The following SBK1 variants were observed in gnomAD, a reference collection of about 807,000 sequenced individuals.
SBK1 encodes the protein SH3 domain binding kinase 1.
A neutral mutation model predicts 24.4 loss-of-function variants in SBK1; 11 were observed. The ratio of observed to expected loss-of-function variants is 0.45; its 90% CI spans 0.28 to 0.75. The LOEUF (loss-of-function observed/expected upper bound fraction) is 0.75, where lower values mean the gene tolerates loss of function less well. SBK1 is among the 30% of genes least tolerant of loss of function. The pLI, the probability that SBK1 is intolerant of heterozygous loss-of-function variation, is 0.12. For missense variants in SBK1, 467 were observed against 620.5 expected (o/e 0.75, Z 2.63); for synonymous variants, 308 against 284.4 (o/e 1.08, Z -0.83).
intron 1 of SBK1, among the ~76,000 whole-genome samples, chr16:28,298,177 T>G (rs1322182806): frequency 1.3e-5 from 2 of 152,138 alleles, no homozygotes; most frequent in African/African-American, 4.8e-5. Flanking sequence ...GAAAGGCCAG[T>G]TAAAGTCCCC....
At chr16:28,270,937 C>G (rs951868026) in intron 1 of SBK1, among the ~76,000 whole-genome samples, 4 of 152,012 alleles carry the variant, frequency 2.6e-5, no homozygotes, top group African/African-American at 9.7e-5. Context: ...GCTCTCCGCT[C>G]ACTGCAAGCT....
intron 1 of SBK1, among the ~76,000 whole-genome samples, chr16:28,269,287 G>A (rs931539283): frequency 1.1e-4 from 16 of 151,508 alleles, no homozygotes; most frequent in East Asian, 7.8e-4. Context: ...CACCAGCCTC[G>A]GCCTCCCAAA....
rs2044822814 is a variant in SBK1, at chr16:28,319,536, C to G, written c.429+339C>G. Among the ~76,000 whole-genome samples the G allele has an allele frequency of 6.6e-6, 1 of 152,136 alleles. No homozygotes were observed. The highest frequency in any genetic ancestry group is 1.5e-5 in the Non-Finnish European group (1 of 68,022). On this transcript the variant is annotated intron_variant, in intron 3 of 3. Transcript: ENST00000341901. This position sits in a 1 kb window ranked among gnomAD's most constrained non-coding sequence, Gnocchi z 4.0. The stretch of plus-strand genomic sequence containing the variant: ...GGGAAGGGGCCCTCAGAGGAAGCGA[C>G]CCTGGAACCGGGACGGTGGGGGAGG...
chr16:28,288,933 G>A (rs1400716167), upstream of SBK1, among the ~76,000 whole-genome samples: 1 of 152,130 alleles, frequency 6.6e-6, no homozygotes, highest in Non-Finnish European at 1.5e-5. Flanking sequence ...AGAGGGAGTC[G>A]GGAGGGGGAC....
chr16:28,302,967 G>GGC (rs1555537953), intron 1 of SBK1, among the ~76,000 whole-genome samples: 3 of 151,954 alleles, frequency 2.0e-5, no homozygotes, highest in South Asian at 2.1e-4. Flanking sequence ...GGCATGGGGG[G>GGC]GGGTCAGGAG....
intron 1 of SBK1, among the ~76,000 whole-genome samples, chr16:28,280,139 A>ATGTGTG (rs1312773756): frequency 6.8e-5 from 4 of 58,638 alleles, no homozygotes; most frequent in Non-Finnish European, 1.8e-4. Flanking sequence ...ATATATATAT[A>ATGTGTG]TATATATATA....
At chr16:28,264,920 C>T (rs1243057339) in intron 1 of SBK1, among the ~76,000 whole-genome samples, 7 of 151,840 alleles carry the variant, frequency 4.6e-5, no homozygotes, top group Non-Finnish European at 8.8e-5. Context: ...GGAAGTGTCG[C>T]GAGGAGAGGG....
intron 1 of SBK1, among the ~76,000 whole-genome samples, chr16:28,313,724 A>G (rs2044770547): frequency 1.3e-5 from 2 of 152,054 alleles, no homozygotes; most frequent in Middle Eastern, 3.4e-3. Context: ...CTTCCTCCCC[A>G]GCCAGCTGAG....
At chr16:28,290,813 G>C (rs1268059107), upstream of SBK1, 1 of 152,254 alleles carries the variant, frequency 6.6e-6, no homozygotes, top group Non-Finnish European at 1.5e-5. Flanking sequence ...CTCAATGGTA[G>C]AGGTTGCCAA....
chr16:28,318,189 G>A (rs150097248), intron 2 of SBK1, among the ~76,000 whole-genome samples: 2 of 152,280 alleles, frequency 1.3e-5, no homozygotes, highest in South Asian at 2.1e-4. Flanking sequence ...GAGCCTTGTC[G>A]CTTAGTCACT....
intron 1 of SBK1, among the ~76,000 whole-genome samples, chr16:28,312,379 G>T (rs1036311465): frequency 2.6e-5 from 4 of 152,222 alleles, no homozygotes; most frequent in African/African-American, 9.6e-5. Flanking sequence ...GGTTGGAAGA[G>T]ATTTTTTCCA....
intron 1 of SBK1, among the ~76,000 whole-genome samples, chr16:28,296,578 A>C (rs2044642440): frequency 1.3e-5 from 2 of 152,078 alleles, no homozygotes. Flanking sequence ...TGTGTTCTGC[A>C]CTCATGGGTG....
intron 1 of SBK1, chr16:28,285,106 C>G (rs937652457): frequency 4.6e-5 from 7 of 152,254 alleles, no homozygotes; most frequent in African/African-American, 1.7e-4. Context: ...GCCACCACAT[C>G]TGGCTATTTG....
chr16:28,312,365 CAG>C (rs1156718570), intron 1 of SBK1, among the ~76,000 whole-genome samples: 8 of 152,204 alleles, frequency 5.3e-5, no homozygotes, highest in Non-Finnish European at 1.2e-4. Flanking sequence ...GGACATTTCA[CAG>C]GGGTTGGAAG....
chr16:28,262,068 T>C (rs1044099073), intron 1 of SBK1, among the ~76,000 whole-genome samples: 2 of 152,128 alleles, frequency 1.3e-5, no homozygotes, highest in African/African-American at 4.8e-5. Flanking sequence ...AAGCTAAAAA[T>C]ACTGAGTGAT....
At position 28,322,360 on chromosome 16, in the gene SBK1, C is replaced by G. The variant is rs2044857547; in HGVS notation, c.*1439C>G. The stretch of plus-strand genomic sequence containing the variant: ...CAGCCCCGCCTGACCCCCTGCCCCT[C>G]TCTGTGGAGGCCCGGGACCCCCGCA... On this transcript the variant is annotated 3_prime_UTR_variant, in exon 4 of 4. Transcript: ENST00000341901. The G allele has an allele frequency of 6.6e-6, 1 of 152,628 alleles. No individual in the cohort carries two copies. The highest frequency in any genetic ancestry group is 2.1e-4 in the South Asian group (1 of 4,830). The allele number at this position is 152,628 out of a possible 1,614,324, so 9.5% of individuals were successfully genotyped here. A position where few individuals can be genotyped will look rare whatever the true frequency, so the allele number is the denominator to read the frequency against.
At chr16:28,318,523 A>G (rs2044814450) in intron 2 of SBK1, among the ~76,000 whole-genome samples, 1 of 152,216 alleles carries the variant, frequency 6.6e-6, no homozygotes, top group Non-Finnish European at 1.5e-5. Context: ...CGATGTGTAA[A>G]TGCTCCGTGG....
chr16:28,284,357 G>A (rs900363267), intron 1 of SBK1, among the ~76,000 whole-genome samples: 2 of 152,238 alleles, frequency 1.3e-5, no homozygotes, highest in Non-Finnish European at 2.9e-5. Flanking sequence ...GATGGAGCCA[G>A]CTCGGAGAAT....
At chr16:28,276,547 A>G (rs1317316944) in intron 1 of SBK1, among the ~76,000 whole-genome samples, 1 of 152,174 alleles carries the variant, frequency 6.6e-6, no homozygotes, top group Non-Finnish European at 1.5e-5. Flanking sequence ...ACAGGTGGGC[A>G]TGGGAGTGGG....
Sources: allele counts gnomAD v4.1 joint callset (sites outside exome capture counted in the v4.1 genomes callset), GRCh38; gene constraint gnomAD v4.1.1; non-coding constraint Gnocchi (gnomAD v3.1); transcripts MANE v1.5; gene names NCBI Gene and HGNC (gene_info 2026-07-23, HGNC 2026-07-21).